The following CHST6 variants were observed in gnomAD, a reference collection of about 807,000 sequenced individuals.
CHST6 encodes the protein N-acetylglucosamine 6-O-sulfotransferase 5.
For missense variants in CHST6, 698 were observed against 586.2 expected (o/e 1.19, Z -1.97); for synonymous variants, 309 against 276.4 (o/e 1.12, Z -1.17).
At chr16:75,481,522 G>C (rs2080141446) in intron 2 of CHST6, among the ~76,000 whole-genome samples, 1 of 151,898 alleles carries the variant, frequency 6.6e-6, no homozygotes, top group Non-Finnish European at 1.5e-5. Context: ...CTTGAACCCG[G>C]GAGGCAGAGG....
chr16:75,491,650 G>A (rs1013598228), intron 1 of CHST6, among the ~76,000 whole-genome samples: 27 of 152,130 alleles, frequency 1.8e-4, no homozygotes, highest in African/African-American at 4.3e-4. Context: ...GATTACAGGC[G>A]TGAGCCACCG....
At chr16:75,484,587 C>T (rs549392597) in intron 1 of CHST6, among the ~76,000 whole-genome samples, 4 of 152,216 alleles carry the variant, frequency 2.6e-5, no homozygotes, top group African/African-American at 4.8e-5. Context: ...TGGTGGCTCA[C>T]GCCTGTAATC....
At chr16:75,489,428 A>G (rs989164926) in intron 1 of CHST6, among the ~76,000 whole-genome samples, 2 of 151,710 alleles carry the variant, frequency 1.3e-5, no homozygotes, top group Admixed American at 6.6e-5. Flanking sequence ...AAGAAAAAAG[A>G]AAAGGGACTT....
At position 75,472,448 on chromosome 16, in the gene CHST6, C is replaced by G. The variant is rs897124768; in HGVS notation, c.*6193G>C. On this transcript the variant is annotated 3_prime_UTR_variant, in exon 3 of 3. Transcript: ENST00000332272. ...TAAGTCAACAGCAACATGGGCACAG[C>G]CTTGAACAATGAAAAAGGAATACAG... 3.9e-5 allele frequency: 6 copies of G among 152,130 alleles called. No homozygotes were observed. Among genetic ancestry groups the G allele is most frequent in the African/African-American group, 1.4e-4 (6 of 41,422 alleles). 9.4% of individuals were successfully genotyped at this position (152,130 alleles called of 1,614,324 possible). A position where few individuals can be genotyped will look rare whatever the true frequency, so the allele number is the denominator to read the frequency against.
At position 75,479,084 on chromosome 16, in the gene CHST6, G is replaced by A. The variant is rs2151665693; in HGVS notation, c.745C>T (p.His249Tyr). 1 of 1,605,636 alleles carries A rather than the reference G, an allele frequency of 6.2e-7. No individual in the cohort carries two copies. The highest frequency in any genetic ancestry group is 2.2e-5 in the East Asian group (1 of 44,844). ...LRVVREVCRS[H>Y]VRIAEAATLK... ...GTGGCGGCCTCGGCGATGCGTACGT[G>A]GCTACGGCACACCTCGCGCACCACG... The change falls in exon 3 of 3, where the codon CAC becomes TAC. Residue 249 changes from histidine (H) to tyrosine (Y), a missense_variant. By Grantham distance (83) the His-to-Tyr change is moderately conservative. Coordinates refer to ENST00000332272, the MANE Select transcript of CHST6 (RefSeq NM_021615.5).
At chr16:75,487,291 T>A (rs62060554) in intron 1 of CHST6, among the ~76,000 whole-genome samples, 7 of 152,066 alleles carry the variant, frequency 4.6e-5, no homozygotes, top group African/African-American at 1.7e-4. Context: ...TGGTTTTCCA[T>A]AGCAGGGTTG....
chr16:75,486,030 C>T (rs1007735618), intron 1 of CHST6, among the ~76,000 whole-genome samples: 5 of 152,212 alleles, frequency 3.3e-5, no homozygotes, highest in Admixed American at 6.5e-5. Flanking sequence ...CCTTATCTCC[C>T]ATATCCCAGG....
chr16:75,492,957 A>G (rs979411686), intron 1 of CHST6, among the ~76,000 whole-genome samples: 2 of 152,212 alleles, frequency 1.3e-5, no homozygotes, highest in African/African-American at 4.8e-5. Context: ...GAGATACCCT[A>G]GAGGTAATCA....
intron 1 of CHST6, among the ~76,000 whole-genome samples, chr16:75,494,629 T>C (rs1417686385): frequency 6.6e-6 from 1 of 152,208 alleles, no homozygotes; most frequent in Non-Finnish European, 1.5e-5. Flanking sequence ...TCAATAATTC[T>C]ATGGAAAAAG....
rs776294697 is a variant in CHST6, at chr16:75,474,830, T to G, written c.*3811A>C. On this transcript the variant is annotated 3_prime_UTR_variant, in exon 3 of 3. Transcript: ENST00000332272. Reference sequence around the variant, plus strand: ...GTTTTTTTTAAGACAGACTCTCGCTTTGTTGCCCAGGCTGGAGTACAGTGG... The same window carrying G: ...GTTTTTTTTAAGACAGACTCTCGCTGTGTTGCCCAGGCTGGAGTACAGTGG... 4.8e-5 allele frequency: 19 copies of G among 393,528 alleles called. No individual in the cohort carries two copies. The highest frequency in any genetic ancestry group is 8.9e-5 in the Admixed American group (2 of 22,546). The allele number at this position is 393,528 out of a possible 1,614,324, so 24.4% of individuals were successfully genotyped here. A position where few individuals can be genotyped will look rare whatever the true frequency, so the allele number is the denominator to read the frequency against.
At position 75,478,662 on chromosome 16, in the gene CHST6, G is replaced by A. The variant is rs746231082; in HGVS notation, c.1167C>T (p.Thr389=). The A allele has an allele frequency of 1.4e-5, 22 of 1,613,542 alleles. No homozygotes were observed. The highest frequency in any genetic ancestry group is 1.3e-4 in the Admixed American group (8 of 60,010). Reference sequence around the variant, plus strand: ...TCCACTAATTTCGGGGGTGCGAGGCGGTGGATGATGCCCAAGTGAAGCCGT... The same window carrying A: ...TCCACTAATTTCGGGGGTGCGAGGCAGTGGATGATGCCCAAGTGAAGCCGT... The part of the protein sequence containing the change: ...GLNGFTWASS[T]ASHPRN The change falls in exon 3 of 3, where the codon ACC becomes ACT. Residue 389 remains threonine, a synonymous_variant. Coordinates refer to ENST00000332272, the MANE Select transcript of CHST6 (RefSeq NM_021615.5).
Position 75,478,202 on chromosome 16 carries a change from G to A in CHST6, c.*439C>T, listed in dbSNP as rs1020401470. ...TCCTTTCACTTCCGAGTTTTGCCAT[G>A]TGTGCCTGTGTGCATATGTATGTGA... On this transcript the variant is annotated 3_prime_UTR_variant, in exon 3 of 3. Transcript: ENST00000332272. 1 of 211,530 alleles carries A rather than the reference G, an allele frequency of 4.7e-6. No individual in the cohort carries two copies. The highest frequency in any genetic ancestry group is 2.3e-5 in the African/African-American group (1 of 43,428). 13.1% of individuals were successfully genotyped at this position (211,530 alleles called of 1,614,324 possible). A position where few individuals can be genotyped will look rare whatever the true frequency, so the allele number is the denominator to read the frequency against.
rs760368240 is a variant in CHST6 at position 75,479,034 on chromosome 16, G to T, written c.795C>A (p.Arg265=). ...CGAAGCGCACCAGGCGGTAGCGGCC[G>T]CGCAGAAAGGGTGGCGGCTTGAGTG... ...AATLKPPPFL[R]GRYRLVRFED... The change falls in exon 3 of 3, where the codon CGC becomes CGA. Residue 265 remains arginine, a synonymous_variant. Transcript: ENST00000332272. 1.9e-6 allele frequency: 3 copies of T among 1,609,564 alleles called. No homozygotes were observed. The highest frequency in any genetic ancestry group is 3.3e-5 in the Admixed American group (2 of 59,998).
intron 1 of CHST6, among the ~76,000 whole-genome samples, chr16:75,493,516 CAA>C (rs55916880): frequency 4.5e-4 from 47 of 104,300 alleles, no homozygotes; most frequent in African/African-American, 8.1e-4. Flanking sequence ...GACTCCGTAT[CAA>C]AAAAAAAAAA....
Position 75,475,019 on chromosome 16 carries a change from C to T in CHST6, c.*3622G>A, listed in dbSNP as rs1853209621. On this transcript the variant is annotated 3_prime_UTR_variant, in exon 3 of 3. Coordinates refer to ENST00000332272, the MANE Select transcript of CHST6 (RefSeq NM_021615.5). ...CCTTGTTGGCCAGGCTGGTCTCAAA[C>T]TCCTGACCTCAAGTAATCCGCACAC... 4.6e-6 allele frequency: 1 copy of T among 215,696 alleles called. No homozygotes were observed. The highest frequency in any genetic ancestry group is 1.8e-4 in the South Asian group (1 of 5,430). 13.4% of individuals were successfully genotyped at this position (215,696 alleles called of 1,614,324 possible). A position where few individuals can be genotyped will look rare whatever the true frequency, so the allele number is the denominator to read the frequency against.
At position 75,474,623 on chromosome 16, in the gene CHST6, G is replaced by T. The variant is rs369738809; in HGVS notation, c.*4018C>A. On this transcript the variant is annotated 3_prime_UTR_variant, in exon 3 of 3. Coordinates refer to ENST00000332272, the MANE Select transcript of CHST6 (RefSeq NM_021615.5). ...AGTGTATTGGCTTACAGTTCTGGAG[G>T]CTGGGAAGCCCAAGATCAAGGAGCC... is the stretch of plus-strand genomic sequence containing the variant. 26 of 399,032 alleles carry T rather than the reference G, an allele frequency of 6.5e-5. 3 individuals carry two copies. The highest frequency in any genetic ancestry group is 4.4e-4 in the Admixed American group (10 of 22,728). The allele number at this position is 399,032 out of a possible 1,614,324, so 24.7% of individuals were successfully genotyped here.
At chr16:75,487,797 C>T (rs1243089775) in intron 1 of CHST6, among the ~76,000 whole-genome samples, 1 of 137,130 alleles carries the variant, frequency 7.3e-6, no homozygotes, top group Non-Finnish European at 1.6e-5. Context: ...AGTGAGACTC[C>T]GTCCCCCCTA....
At position 75,474,127 on chromosome 16, in the gene CHST6, A is replaced by T. The variant is rs1265791971; in HGVS notation, c.*4514T>A. 6.6e-6 allele frequency: 1 copy of T among 152,286 alleles called. No individual in the cohort carries two copies. The highest frequency in any genetic ancestry group is 2.4e-5 in the African/African-American group (1 of 41,440). 9.4% of individuals were successfully genotyped at this position (152,286 alleles called of 1,614,324 possible). A position where few individuals can be genotyped will look rare whatever the true frequency, so the allele number is the denominator to read the frequency against. On this transcript the variant is annotated 3_prime_UTR_variant, in exon 3 of 3. Coordinates refer to ENST00000332272, the MANE Select transcript of CHST6 (RefSeq NM_021615.5). ...GAGGCGGAGGTTGCAGTGAGCCAAG[A>T]TGGCGCCACTGCACTCCAGCCTGGG...
Position 75,487,635 on chromosome 16 carries a change from T to TA in CHST6, c.-91-5745dup, listed in dbSNP as rs2080213448. 6.6e-5 allele frequency among the ~76,000 whole-genome samples: 10 copies of TA among 151,658 alleles called. 1 individual carries two copies. The highest frequency in any genetic ancestry group is 5.9e-4 in the Admixed American group (9 of 15,212). ...TAACACAGTGAAACCCTGTCTCTAC[T>TA]AAAAATACAAAAAATTAGCCGGGCG... On this transcript the variant is annotated intron_variant, in intron 1 of 2. Transcript: ENST00000332272.
Sources: allele counts gnomAD v4.1 joint callset (sites outside exome capture counted in the v4.1 genomes callset), GRCh38; gene constraint gnomAD v4.1.1; transcripts MANE v1.5; gene names NCBI Gene and HGNC (gene_info 2026-07-23, HGNC 2026-07-21).